The following SPOCK3 variants were observed in gnomAD, a reference collection of about 807,000 sequenced individuals.
SPOCK3 encodes testican-3.
A neutral mutation model predicts 56.6 loss-of-function variants in SPOCK3; 30 were observed. The ratio of observed to expected loss-of-function variants is 0.53; its 90% confidence interval spans 0.40 to 0.72. The LOEUF is 0.72. SPOCK3 is among the 30% of genes least tolerant of loss of function. The probability of loss-of-function intolerance (pLI) is 0.00; values close to 1 mark genes in which losing one functional copy is unlikely to be tolerated. For missense variants in SPOCK3, 527 were observed against 530.0 expected, an observed-to-expected ratio of 0.99 and a Z score of 0.06; for synonymous variants, 196 against 183.3, an observed-to-expected ratio of 1.07 and a Z score of -0.56.
In SPOCK3 at chr4:166,733,463, TCAA is replaced by T. The variant is rs1241946062; in HGVS notation, c.*1455_*1457del. 2 of 151,894 alleles carry T rather than the reference TCAA, an allele frequency of 1.3e-5. No homozygotes were observed. Among genetic ancestry groups the T allele is most frequent in the Non-Finnish European group, 2.9e-5 (2 of 67,808 alleles). 9.4% of individuals were successfully genotyped at this position (151,894 alleles called of 1,614,324 possible). A position where few individuals can be genotyped will look rare whatever the true frequency, so the allele number is the denominator to read the frequency against. The stretch of plus-strand genomic sequence containing the variant: ...ATGCATTATACTTTATTACGTAAAG[TCAA>T]CATTAAATTTTGTATTGAGTGTGTA... On this transcript the variant is annotated 3_prime_UTR_variant, in exon 11 of 11. Coordinates refer to ENST00000357545, the MANE Select transcript of SPOCK3 (RefSeq NM_001040159.2).
chr4:166,786,431 A>G (rs1579221976), intron 7 of SPOCK3, among the ~76,000 whole-genome samples: 1 of 152,156 alleles, frequency 6.6e-6, no homozygotes, highest in African/African-American at 2.4e-5. Context: ...CACTCAGCGT[A>G]AGGATCACTA....
chr4:167,218,027 A>G (rs1490236918), intron 2 of SPOCK3, among the ~76,000 whole-genome samples: 1 of 152,154 alleles, frequency 6.6e-6, no homozygotes, highest in Non-Finnish European at 1.5e-5. Context: ...TAAGTTATGA[A>G]AGTCCAATAA....
chr4:167,212,443 T>C (rs1201122426), intron 2 of SPOCK3, among the ~76,000 whole-genome samples: 2 of 152,008 alleles, frequency 1.3e-5, no homozygotes, highest in Non-Finnish European at 1.5e-5. Context: ...GGTTTCATCA[T>C]GTTGGCCAGG....
intron 2 of SPOCK3, among the ~76,000 whole-genome samples, chr4:167,228,623 T>C (rs1187312784): frequency 6.6e-6 from 1 of 152,070 alleles, no homozygotes; most frequent in Non-Finnish European, 1.5e-5. Context: ...GCAAGCAGGA[T>C]AGTGGTTGTA....
At chr4:166,821,824 A>G (rs553179863) in intron 6 of SPOCK3, among the ~76,000 whole-genome samples, 41 of 152,196 alleles carry the variant, frequency 2.7e-4, no homozygotes, top group African/African-American at 8.9e-4. Context: ...ATGGTAGTAA[A>G]GTTTGCACAC....
At chr4:166,980,167 T>C (rs939655964) in intron 4 of SPOCK3, among the ~76,000 whole-genome samples, 2 of 152,250 alleles carry the variant, frequency 1.3e-5, no homozygotes, top group African/African-American at 4.8e-5. Flanking sequence ...TTATACTGTA[T>C]TTATATGTCT....
At chr4:167,168,702 T>A (rs1321422702) in intron 2 of SPOCK3, among the ~76,000 whole-genome samples, 3 of 152,076 alleles carry the variant, frequency 2.0e-5, no homozygotes, top group Admixed American at 1.3e-4. Flanking sequence ...GGGGAGAAAT[T>A]CCAGCAGTTG....
intron 6 of SPOCK3, among the ~76,000 whole-genome samples, chr4:166,829,582 T>C (rs937002064): frequency 6.6e-6 from 1 of 152,120 alleles, no homozygotes; most frequent in Non-Finnish European, 1.5e-5. Flanking sequence ...TTTAACTTAC[T>C]AATCGTCTCA....
chr4:166,793,315 A>G (rs1006202980), intron 6 of SPOCK3, among the ~76,000 whole-genome samples: 3 of 152,298 alleles, frequency 2.0e-5, no homozygotes, highest in South Asian at 4.1e-4. Flanking sequence ...TGGATGTAAT[A>G]CCATCCCAGA....
intron 2 of SPOCK3, among the ~76,000 whole-genome samples, chr4:167,079,648 T>C (rs1757538076): frequency 6.6e-6 from 1 of 152,006 alleles, no homozygotes; most frequent in Non-Finnish European, 1.5e-5. Flanking sequence ...TCTCTGTGAA[T>C]GTGTGATTAA....
intron 3 of SPOCK3, among the ~76,000 whole-genome samples, chr4:167,015,174 A>T (rs1750499227): frequency 6.6e-6 from 1 of 152,102 alleles, no homozygotes; most frequent in South Asian, 2.1e-4. Flanking sequence ...ACTAATTTTA[A>T]AAAACCAAGT....
At chr4:166,867,280 C>A (rs1242628247) in intron 6 of SPOCK3, among the ~76,000 whole-genome samples, 1 of 151,824 alleles carries the variant, frequency 6.6e-6, no homozygotes, top group Non-Finnish European at 1.5e-5. Flanking sequence ...ATAATAATTT[C>A]TCGGATAAAG....
intron 2 of SPOCK3, among the ~76,000 whole-genome samples, chr4:167,186,299 T>C (rs549283185): frequency 1.3e-5 from 2 of 152,276 alleles, no homozygotes; most frequent in South Asian, 4.1e-4. Flanking sequence ...CAGCTTTACA[T>C]TTTTCTCATT....
Position 166,766,409 on chromosome 4 carries a change from T to G in SPOCK3, c.710-11680A>C, listed in dbSNP as rs575269587. Among the ~76,000 whole-genome samples the G allele has an allele frequency of 6.9e-4, 105 of 152,310 alleles. 1 individual carries two copies. Among genetic ancestry groups the G allele is most frequent in the African/African-American group, 2.5e-3 (103 of 41,560 alleles). ...GTTTTTAGCATGAAGGGCTGTCGAA[T>G]TTTGTCAAAGGCCTTTGCTGCCTCT... On this transcript the variant is annotated intron_variant, in intron 7 of 10. Transcript: ENST00000357545.
At chr4:167,002,844 T>A (rs1170894258) in intron 3 of SPOCK3, among the ~76,000 whole-genome samples, 1 of 152,192 alleles carries the variant, frequency 6.6e-6, no homozygotes. Flanking sequence ...TAGCCTATGT[T>A]GATGTCTAAT....
chr4:166,959,852 A>G (rs1016647983), intron 4 of SPOCK3, among the ~76,000 whole-genome samples: 1 of 152,188 alleles, frequency 6.6e-6, no homozygotes, highest in Non-Finnish European at 1.5e-5. Flanking sequence ...TATTCACAAT[A>G]AGTAAACATA....
At chr4:167,004,710 G>A (rs1040379977) in intron 3 of SPOCK3, among the ~76,000 whole-genome samples, 2 of 152,040 alleles carry the variant, frequency 1.3e-5, no homozygotes, top group African/African-American at 2.4e-5. Flanking sequence ...ATTCAATAGG[G>A]TCTAATTATT....
intron 4 of SPOCK3, among the ~76,000 whole-genome samples, chr4:166,973,302 C>T (rs1471140437): frequency 6.6e-6 from 1 of 152,132 alleles, no homozygotes; most frequent in Non-Finnish European, 1.5e-5. Flanking sequence ...AATTAAACCT[C>T]TTTTGTTTAT....
chr4:167,043,315 G>T (rs564952715), intron 3 of SPOCK3, among the ~76,000 whole-genome samples: 1 of 152,144 alleles, frequency 6.6e-6, no homozygotes, highest in African/African-American at 2.4e-5. Flanking sequence ...TTGTATGATA[G>T]CTCTGTATTC....
Sources: allele counts gnomAD v4.1 joint callset (sites outside exome capture counted in the v4.1 genomes callset), GRCh38; gene constraint gnomAD v4.1.1; transcripts MANE v1.5; gene names NCBI Gene and HGNC (gene_info 2026-07-23, HGNC 2026-07-21).